The following OR13A1 variants were observed in gnomAD, a reference collection of about 807,000 sequenced individuals.
The protein encoded by OR13A1 is olfactory receptor 13A1.
In OR13A1, 10 loss-of-function variants were observed where a neutral mutation model predicts 7.5. The observed-to-expected ratio is 1.34, with a 90% confidence interval of 0.83 to 2.27. OR13A1 has a LOEUF of 2.27. OR13A1 is among the 30% of genes most tolerant of loss of function. The pLI, the probability that OR13A1 is intolerant of heterozygous loss-of-function variation, is 0.00. For missense variants in OR13A1, 509 were observed against 419.1 expected (o/e 1.21, Z -1.87); for synonymous variants, 238 against 177.9 (o/e 1.34, Z -2.69).
At chr10:45,308,286 C>T (rs952523067) in intron 1 of OR13A1, among the ~76,000 whole-genome samples, 1 of 152,200 alleles carries the variant, frequency 6.6e-6, no homozygotes, top group Non-Finnish European at 1.5e-5. Context: ...ATCTAAATAA[C>T]TTACCCTGGT....
rs1231359969 is a variant in OR13A1 at position 45,303,358 on chromosome 10, C to T, written c.*78G>A. Reference sequence around the variant, plus strand: ...GGGTTAGAAAAAACAAGTCTATTTACCTCCCAGTCCAGAAACTTGCTCATC... The same window carrying T: ...GGGTTAGAAAAAACAAGTCTATTTATCTCCCAGTCCAGAAACTTGCTCATC... On this transcript the variant is annotated 3_prime_UTR_variant, in exon 4 of 4. Coordinates refer to ENST00000553795, the MANE Select transcript of OR13A1 (RefSeq NM_001004297.3). 7 of 1,429,332 alleles carry T rather than the reference C, an allele frequency of 4.9e-6. No homozygotes were observed. The highest frequency in any genetic ancestry group is 2.3e-5 in the East Asian group (1 of 43,598). 88.5% of individuals were successfully genotyped at this position (1,429,332 alleles called of 1,614,324 possible). A position where few individuals can be genotyped will look rare whatever the true frequency, so the allele number is the denominator to read the frequency against.
chr10:45,311,207 A>C (rs895289149), intron 1 of OR13A1, among the ~76,000 whole-genome samples: 22 of 152,350 alleles, frequency 1.4e-4, no homozygotes, highest in African/African-American at 4.8e-4. Flanking sequence ...AGTTATTTCT[A>C]TCACCCAGCC....
In OR13A1 at chr10:45,305,496, C is replaced by G. The variant is rs535425871; in HGVS notation, c.-12-1062G>C. On this transcript the variant is annotated intron_variant, in intron 3 of 3. Transcript: ENST00000553795. Reference sequence around the variant, plus strand: ...TTAAATTTTTGCTGGTCTGTATTTTCTACTTTTTCTATAAAATGACCTCTC... The same window carrying G: ...TTAAATTTTTGCTGGTCTGTATTTTGTACTTTTTCTATAAAATGACCTCTC... Among the ~76,000 whole-genome samples, 61 of 152,276 alleles carry G rather than the reference C, an allele frequency of 4.0e-4. 1 individual carries two copies. The South Asian group carries it at 0.013, about 32-fold the overall frequency.
chr10:45,304,551 C>G (rs1838289751), intron 3 of OR13A1, 117 bp from the exon 4 acceptor site: 4 of 842,854 alleles, frequency 4.7e-6, no homozygotes, highest in Non-Finnish European at 7.4e-6. Flanking sequence ...GATAAACACC[C>G]CAATATTACA....
At position 45,304,000 on chromosome 10, in the gene OR13A1, G is replaced by T; in HGVS notation, c.423C>A (p.Tyr141Ter). ...AATGCAGCGGGTGGCAGATGGCTGC[G>T]TACCGGTCATAGGCCATGACCGTGA... ...LLLTVMAYDR[Y>*]AAICHPLHYS... is the part of the protein sequence containing the mutation. Residue 141 changes from tyrosine (Y) to a stop codon, truncating the protein, a stop_gained, in exon 4 of 4, where the codon TAC becomes TAA. Coordinates refer to ENST00000553795, the MANE Select transcript of OR13A1 (RefSeq NM_001004297.3). LOFTEE classifies it high-confidence loss of function. 1 of 1,612,340 alleles carries T rather than the reference G, an allele frequency of 6.2e-7. No homozygotes were observed. The highest frequency in any genetic ancestry group is 1.1e-5 in the South Asian group (1 of 90,912).
In OR13A1 at chr10:45,304,339, G is replaced by T; in HGVS notation, c.84C>A (p.Thr28=). The T allele has an allele frequency of 1.9e-6, 3 of 1,614,146 alleles. No individual in the cohort carries two copies. The highest frequency in any genetic ancestry group is 2.2e-5 in the East Asian group (1 of 44,886). The change falls in exon 4 of 4, where the codon ACC becomes ACA. Residue 28 remains threonine (T), a synonymous_variant. Coordinates refer to ENST00000553795, the MANE Select transcript of OR13A1 (RefSeq NM_001004297.3). The part of the protein sequence containing the change: ...PRMMSNQTLV[T]EFILQGFSEH... The stretch of plus-strand genomic sequence containing the variant: ...CCGAAAAGCCCTGCAGGATGAACTC[G>T]GTTACCAACGTCTGGTTACTCATCA...
At chr10:45,308,883 T>A (rs1838387465) in intron 1 of OR13A1, 1 of 152,326 alleles carries the variant, frequency 6.6e-6, no homozygotes, top group Non-Finnish European at 1.5e-5. Context: ...CCTTCCCATA[T>A]TTAAGATGGC....
In OR13A1 at chr10:45,306,410, G is replaced by A. The variant is rs189560988; in HGVS notation, c.-13+1016C>T. On this transcript the variant is annotated intron_variant, in intron 3 of 3. Transcript: ENST00000553795. ...GGAGCTTGCAGTGAGCCGAGATCGC[G>A]CCACTGCACTCCAGCCTGGGTGACA... Among the ~76,000 whole-genome samples, 431 of 150,926 alleles carry A rather than the reference G, an allele frequency of 2.9e-3. 10 individuals carry two copies. Among genetic ancestry groups the A allele is most frequent in the Admixed American group, 0.023 (356 of 15,150 alleles).
intron 1 of OR13A1, among the ~76,000 whole-genome samples, chr10:45,313,185 A>G (rs1051714675): frequency 5.9e-5 from 9 of 152,122 alleles, no homozygotes; most frequent in South Asian, 2.1e-4. Flanking sequence ...TAGTTTTTGT[A>G]CACAGTCGAA....
Position 45,303,801 on chromosome 10 carries a change from T to TGCAGGAGAGAAGCA in OR13A1, c.608_621dup (p.Ser208CysfsTer14). ...ATGACACCGTTGACGTAGGTGGAGC[T>TGCAGGAGAGAAGCA]GCAGGAGAGAAGCAGCAGGGGAGGG... On this transcript the variant is annotated frameshift_variant, in exon 4 of 4. Transcript: ENST00000553795. LOFTEE classifies it low-confidence loss of function (END_TRUNC). The TGCAGGAGAGAAGCA allele has an allele frequency of 6.2e-7, 1 of 1,613,746 alleles. No individual in the cohort carries two copies. Among genetic ancestry groups the TGCAGGAGAGAAGCA allele is most frequent in the Non-Finnish European group, 8.5e-7 (1 of 1,180,028 alleles).
At chr10:45,315,017 T>TA (rs1838499809) in intron 1 of OR13A1, among the ~76,000 whole-genome samples, 1 of 152,090 alleles carries the variant, frequency 6.6e-6, no homozygotes, top group Non-Finnish European at 1.5e-5. Flanking sequence ...AAAATGAATA[T>TA]AAAAAACACT....
At position 45,304,008 on chromosome 10, in the gene OR13A1, C is replaced by G; in HGVS notation, c.415G>C (p.Asp139His). The G allele has an allele frequency of 1.2e-6, 2 of 1,612,828 alleles. No homozygotes were observed. The highest frequency in any genetic ancestry group is 1.7e-6 in the Non-Finnish European group (2 of 1,179,176). Residue 139 changes from aspartate (D) to histidine (H), a missense_variant, in exon 4 of 4, where the codon GAC becomes CAC. Coordinates refer to ENST00000553795, the MANE Select transcript of OR13A1 (RefSeq NM_001004297.3). Reference sequence around the variant, plus strand: ...GGGTGGCAGATGGCTGCGTACCGGTCATAGGCCATGACCGTGAGGAGCAGC... The same window carrying G: ...GGGTGGCAGATGGCTGCGTACCGGTGATAGGCCATGACCGTGAGGAGCAGC... ...ELLLLTVMAY[D>H]RYAAICHPLH...
chr10:45,313,345 C>G (rs956054587), intron 1 of OR13A1, among the ~76,000 whole-genome samples: 3 of 151,188 alleles, frequency 2.0e-5, no homozygotes, highest in African/African-American at 7.3e-5. Flanking sequence ...TCGACAAAAC[C>G]CAAAAGAGGT....
rs780110354 is a variant in OR13A1, at chr10:45,303,888, C to T, written c.535G>A (p.Gly179Arg). The change falls in exon 4 of 4, where the codon GGG (glycine) becomes AGG (arginine). Residue 179 changes from glycine to arginine, a missense_variant. By Grantham distance (125) the Gly-to-Arg change is moderately radical. Coordinates refer to ENST00000553795, the MANE Select transcript of OR13A1 (RefSeq NM_001004297.3). Reference protein sequence around the residue: ...LCAVNTAIHTGLMLRLDFCGP... With the variant: ...LCAVNTAIHTRLMLRLDFCGP... ...CAGAAATCCAAGCGCAGCATCAGCC[C>T]CGTGTGGATGGCCGTGTTGACGGCG... 5 of 1,613,436 alleles carry T rather than the reference C, an allele frequency of 3.1e-6. No homozygotes were observed. In the East Asian group the frequency reaches 8.9e-5, roughly 29 times the overall value.
intron 1 of OR13A1, among the ~76,000 whole-genome samples, chr10:45,310,329 C>T (rs1179213746): frequency 6.6e-6 from 1 of 152,154 alleles, no homozygotes; most frequent in Admixed American, 6.5e-5. Flanking sequence ...TCTTGCTCCA[C>T]TAAGTCATTA....
chr10:45,304,526 G>T, intron 3 of OR13A1, 92 bp from the exon 4 acceptor site: 1 of 1,083,774 alleles, frequency 9.2e-7, no homozygotes. Flanking sequence ...AGATGCATTA[G>T]GGCATATTGA....
intron 1 of OR13A1, among the ~76,000 whole-genome samples, chr10:45,311,677 T>G (rs1268873332): frequency 6.6e-6 from 1 of 152,052 alleles, no homozygotes; most frequent in Non-Finnish European, 1.5e-5. Context: ...CACTGGGGCC[T>G]ACTTGAAGTT....
chr10:45,314,210 A>T lies in OR13A1; in HGVS notation c.-225+1314T>A, dbSNP rs148197178. On this transcript the variant is annotated intron_variant, in intron 1 of 3. Transcript: ENST00000553795. ...GAAGTTAGAAAATATCTTGAGATAA[A>T]GGAAAATAAAAATACAATGTACCAA... Among the ~76,000 whole-genome samples, 256 of 152,312 alleles carry T rather than the reference A, an allele frequency of 1.7e-3. 2 individuals carry two copies. Among genetic ancestry groups the T allele is most frequent in the African/African-American group, 5.9e-3 (246 of 41,584 alleles).
At position 45,303,065 on chromosome 10, in the gene OR13A1, G is replaced by A. The variant is rs1838239702; in HGVS notation, c.*371C>T. 1 of 176,094 alleles carries A rather than the reference G, an allele frequency of 5.7e-6. No individual in the cohort carries two copies. The highest frequency in any genetic ancestry group is 1.2e-5 in the Non-Finnish European group (1 of 83,782). 10.9% of individuals were successfully genotyped at this position (176,094 alleles called of 1,614,324 possible). A position where few individuals can be genotyped will look rare whatever the true frequency, so the allele number is the denominator to read the frequency against. On this transcript the variant is annotated 3_prime_UTR_variant, in exon 4 of 4. Transcript: ENST00000553795. The stretch of plus-strand genomic sequence containing the variant: ...CCTAACTTTTTAGACCCACACAGCT[G>A]AATTCTAGGTGTGATTTTAGAATTT...
Sources: allele counts gnomAD v4.1 joint callset (sites outside exome capture counted in the v4.1 genomes callset), GRCh38; gene constraint gnomAD v4.1.1; transcripts MANE v1.5; gene names NCBI Gene and HGNC (gene_info 2026-07-23, HGNC 2026-07-21).